SBNO2: variants seen among roughly 807,000 people sequenced by gnomAD.
SBNO2 encodes the protein strawberry notch homolog 2, also known as protein strawberry notch homolog 2.
A neutral mutation model predicts 146.3 loss-of-function variants in SBNO2; 89 were observed. The ratio of observed to expected loss-of-function variants is 0.61; its 90% CI spans 0.51 to 0.73. The LOEUF (loss-of-function observed/expected upper bound fraction) is 0.73, where lower values mean the gene tolerates loss of function less well. SBNO2 is among the 30% of genes least tolerant of loss of function. The pLI is 0.00. For synonymous variants in SBNO2, 1,147 were observed against 892.6 expected (o/e 1.29, Z -5.08); for missense variants, 2,092 against 2,003.7 (o/e 1.04, Z -0.84).
At chr19:1,145,144 G>C (rs1484820749) in intron 4 of SBNO2, among the ~76,000 whole-genome samples, 1 of 151,888 alleles carries the variant, frequency 6.6e-6, no homozygotes, top group African/African-American at 2.4e-5. Flanking sequence ...CTAGGAGCAG[G>C]GGGAAGAGGG....
intron 4 of SBNO2, chr19:1,131,942 G>A (rs2080033351): frequency 2.0e-6 from 1 of 499,742 alleles, no homozygotes; most frequent in Admixed American, 4.2e-5. Context: ...GACGGGGCGG[G>A]GTGGGGATTT....
intron 1 of SBNO2, among the ~76,000 whole-genome samples, chr19:1,169,866 G>A (rs2080460945): frequency 6.6e-6 from 1 of 152,154 alleles, no homozygotes; most frequent in African/African-American, 2.4e-5. Flanking sequence ...GACCACCACA[G>A]CTTCTAATTC....
At position 1,109,512 on chromosome 19, in the gene SBNO2, G is replaced by A; in HGVS notation, c.3210C>T (p.Ser1070=). The change falls in exon 28 of 32, where the codon TCC becomes TCT. Residue 1070 remains serine, a synonymous_variant. Transcript: ENST00000361757. The surrounding 1 kb of genome is among the most constrained non-coding windows in gnomAD (Gnocchi z 4.2). ...LTGPYDGFYL[S]YKVRGNKPSC... is the part of the protein sequence containing the mutation. ...TAACCCCGCCCGACCCCACCTTGTA[G>A]GAGAGGTAGAAGCCGTCATAGGGGC... 1.9e-6 allele frequency: 3 copies of A among 1,597,876 alleles called. No homozygotes were observed. Among genetic ancestry groups the A allele is most frequent in the Middle Eastern group, 1.7e-4 (1 of 6,042 alleles).
chr19:1,116,762 G>A (rs1332020334), intron 16 of SBNO2, 67 bp downstream of exon 16: 12 of 1,376,442 alleles, frequency 8.7e-6, no homozygotes, highest in East Asian at 2.6e-5. Context: ...CAGGCCACAG[G>A]TGGCCACAGA....
chr19:1,109,531 T>C lies in SBNO2; in HGVS notation c.3191A>G (p.Tyr1064Cys), dbSNP rs370204522. 4 of 1,600,448 alleles carry C rather than the reference T, an allele frequency of 2.5e-6. No individual in the cohort carries two copies. Among genetic ancestry groups the C allele is most frequent in the African/African-American group, 1.3e-5 (1 of 74,500 alleles). Reference sequence around the variant, plus strand: ...CTTGTAGGAGAGGTAGAAGCCGTCATAGGGGCCCGTCAGCGCCAGCGACTT... The same window carrying C: ...CTTGTAGGAGAGGTAGAAGCCGTCACAGGGGCCCGTCAGCGCCAGCGACTT... ...FAKSLALTGP[Y>C]DGFYLSYKVR... Residue 1064 changes from tyrosine (Y) to cysteine (C), a missense_variant, in exon 28 of 32, where the codon TAT becomes TGT. By Grantham distance (194) the Tyr-to-Cys change is radical (BLOSUM62 -2). Transcript: ENST00000361757. This position sits in a 1 kb window ranked among gnomAD's most constrained non-coding sequence, Gnocchi z 4.2.
At chr19:1,155,518 C>A (rs919532009) in intron 1 of SBNO2, among the ~76,000 whole-genome samples, 1 of 152,314 alleles carries the variant, frequency 6.6e-6, no homozygotes. Flanking sequence ...CGGGGACCTG[C>A]GACACCCTTG....
Position 1,109,298 on chromosome 19 carries a change from G to C in SBNO2, c.3342C>G (p.Phe1114Leu). 1 of 1,595,382 alleles carries C rather than the reference G, an allele frequency of 6.3e-7. No homozygotes were observed. The highest frequency in any genetic ancestry group is 1.3e-5 in the African/African-American group (1 of 74,766). Reference protein sequence around the residue: ...LEALDSLRRKFHRVTAEEAKE... With the variant: ...LEALDSLRRKLHRVTAEEAKE... ...GCGCCCGGCGGCCGCCTACCCGGTG[G>C]AACTTGCGGCGGAGGCTGTCCAGGG... Residue 1114 changes from phenylalanine to leucine, a missense_variant, in exon 29 of 32, where the codon TTC becomes TTG. Transcript: ENST00000361757. The surrounding 1 kb of genome is among the most constrained non-coding windows in gnomAD (Gnocchi z 4.2).
chr19:1,108,562 G>C lies in SBNO2; in HGVS notation c.3759C>G (p.Pro1253=), dbSNP rs1378518718. ...APRPLALPCG[P]GEVLDLTYSP... is the part of the protein sequence containing the mutation. ...TGTAGGTGAGGTCCAGCACCTCTCC[G>C]GGGCCGCAAGGCAGCGCCAGCGGGC... Residue 1253 remains proline (P), a synonymous_variant, in exon 32 of 32, where the codon CCC becomes CCG. Transcript: ENST00000361757. 2 of 1,249,708 alleles carry C rather than the reference G, an allele frequency of 1.6e-6. No individual in the cohort carries two copies. The highest frequency in any genetic ancestry group is 2.0e-6 in the Non-Finnish European group (2 of 998,692). The allele number at this position is 1,249,708 out of a possible 1,614,324, so 77.4% of individuals were successfully genotyped here.
intron 4 of SBNO2, among the ~76,000 whole-genome samples, chr19:1,129,720 C>T (rs2080006559): frequency 6.6e-6 from 1 of 152,188 alleles, no homozygotes; most frequent in Admixed American, 6.5e-5. Context: ...TTGGTCAAGG[C>T]CCCAGCCAGG....
chr19:1,172,168 T>A (rs1373151990), intron 1 of SBNO2, among the ~76,000 whole-genome samples: 1 of 152,062 alleles, frequency 6.6e-6, no homozygotes, highest in Non-Finnish European at 1.5e-5. Context: ...GAAATCACAC[T>A]CCAGGGGCTG....
rs1278943203 is a variant in SBNO2 at position 1,150,149 on chromosome 19, C to T, written c.94-707G>A. On this transcript the variant is annotated intron_variant, in intron 2 of 31. Transcript: ENST00000361757. This position sits in a 1 kb window ranked among gnomAD's most constrained non-coding sequence, Gnocchi z 6.2. ...CTGACTCCAGGCCAGGCTTACCCAACACCCTCGCCAGGAGCCGATGTCCCC... is the reference window on the plus strand; with the variant it reads ...CTGACTCCAGGCCAGGCTTACCCAATACCCTCGCCAGGAGCCGATGTCCCC... 1.3e-5 allele frequency among the ~76,000 whole-genome samples: 2 copies of T among 152,130 alleles called. No homozygotes were observed. The highest frequency in any genetic ancestry group is 4.8e-5 in the African/African-American group (2 of 41,410).
chr19:1,117,615 G>A, intron 14 of SBNO2, 116 bp from the exon 15 acceptor site: 4 of 1,077,896 alleles, frequency 3.7e-6, no homozygotes, highest in Non-Finnish European at 5.2e-6. Context: ...TGGAATTTAG[G>A]GCAGGATGGG....
chr19:1,109,614 G>T lies in SBNO2; in HGVS notation c.3124-16C>A, dbSNP rs1296779263. 7 of 1,563,308 alleles carry T rather than the reference G, an allele frequency of 4.5e-6. No individual in the cohort carries two copies. On this transcript the variant is annotated splice_polypyrimidine_tract_variant and intron_variant, in intron 27 of 31. Transcript: ENST00000361757. This position sits in a 1 kb window ranked among gnomAD's most constrained non-coding sequence, Gnocchi z 4.2. ...CCACGCTGATCTGCCACGGCACGGG[G>T]TGGGGGGGTGTGAGTGTGGTGGGGG...
At chr19:1,132,443 C>G (rs1399206997) in intron 4 of SBNO2, among the ~76,000 whole-genome samples, 1 of 152,244 alleles carries the variant, frequency 6.6e-6, no homozygotes, top group East Asian at 1.9e-4. Flanking sequence ...CGTGCCCCGC[C>G]GCAGGACCAG....
intron 2 of SBNO2, 147 bp downstream of exon 2, chr19:1,154,037 G>A (rs1196873065): frequency 5.0e-6 from 2 of 401,818 alleles, no homozygotes; most frequent in East Asian, 7.4e-5. Context: ...GGGGCGGGTG[G>A]AGCCGGGCTC....
chr19:1,122,513 C>T lies in SBNO2; in HGVS notation c.960G>A (p.Leu320=), dbSNP rs1246177184. Residue 320 remains leucine, a synonymous_variant, in exon 10 of 32, where the codon CTG becomes CTA. Coordinates refer to ENST00000361757, the MANE Select transcript of SBNO2 (RefSeq NM_014963.3). Reference sequence around the variant, plus strand: ...CGATGCCCGTGGCTTCGATGTCCCGCAGGTCGCGCTCCGCATCGTACTTGA... The same window carrying T: ...CGATGCCCGTGGCTTCGATGTCCCGTAGGTCGCGCTCCGCATCGTACTTGA... ...NDLKYDAERD[L]RDIEATGIAV... is the part of the protein sequence containing the mutation. 1.3e-6 allele frequency: 2 copies of T among 1,567,486 alleles called. No individual in the cohort carries two copies. The highest frequency in any genetic ancestry group is 1.7e-4 in the Middle Eastern group (1 of 6,028).
At chr19:1,125,781 G>A (rs1489210834) in intron 5 of SBNO2, among the ~76,000 whole-genome samples, 1 of 152,132 alleles carries the variant, frequency 6.6e-6, no homozygotes, top group Non-Finnish European at 1.5e-5. Flanking sequence ...GATCTTTTGG[G>A]GCCAGGGTTC....
Position 1,161,416 on chromosome 19 carries a change from T to G in SBNO2, c.-126-7014A>C, listed in dbSNP as rs1430119432. Among the ~76,000 whole-genome samples, 4 of 71,086 alleles carry G rather than the reference T, an allele frequency of 5.6e-5. No individual in the cohort carries two copies. The East Asian group carries it at 1.9e-3, about 33-fold the overall frequency. 46.6% of individuals were successfully genotyped at this position (71,086 alleles called of 152,430 possible). A position where few individuals can be genotyped will look rare whatever the true frequency, so the allele number is the denominator to read the frequency against. On this transcript the variant is annotated intron_variant, in intron 1 of 31. Coordinates refer to ENST00000361757, the MANE Select transcript of SBNO2 (RefSeq NM_014963.3). ...CTGAGTACTGGGTACTGGGGGTGCC[T>G]GAGTACTGGGTACTGGGGGTAGGGG...
intron 1 of SBNO2, among the ~76,000 whole-genome samples, chr19:1,164,543 A>T (rs2080386028): frequency 9.3e-6 from 1 of 108,014 alleles, no homozygotes. Context: ...GAGGAGGAGG[A>T]GGAGGAGGAA....
Sources: allele counts gnomAD v4.1 joint callset (sites outside exome capture counted in the v4.1 genomes callset), GRCh38; gene constraint gnomAD v4.1.1; non-coding constraint Gnocchi (gnomAD v3.1); transcripts MANE v1.5; gene names NCBI Gene and HGNC (gene_info 2026-07-23, HGNC 2026-07-21).